Variants in TNIK observed in about 807,000 individuals in gnomAD.
TNIK encodes TRAF2 and NCK interacting kinase, also known as TRAF2 and NCK-interacting protein kinase.
Under a neutral mutation model 191.3 loss-of-function variants are expected in TNIK, and 49 were observed. That is an observed-to-expected ratio of 0.26 (90% CI 0.20 to 0.32). The LOEUF is 0.32. TNIK is among the 10% of genes least tolerant of loss of function. The probability of loss-of-function intolerance (pLI) is 1.00; values close to 1 mark genes in which losing one functional copy is unlikely to be tolerated. For missense variants in TNIK, 1,155 were observed against 1,702.3 expected (o/e 0.68, Z 5.66); for synonymous variants, 594 against 600.9 (o/e 0.99, Z 0.17).
intron 2 of TNIK, among the ~76,000 whole-genome samples, chr3:171,323,446 G>C (rs796375848): frequency 6.6e-6 from 1 of 152,132 alleles, no homozygotes; most frequent in East Asian, 1.9e-4. Flanking sequence ...GGATTACACC[G>C]CATGGATTAC....
intron 18 of TNIK, among the ~76,000 whole-genome samples, chr3:171,118,421 A>C (rs1046211349): frequency 8.5e-5 from 13 of 152,242 alleles, no homozygotes; most frequent in African/African-American, 2.7e-4. Context: ...CTTTCTTCAC[A>C]GAATTGGAAA....
At chr3:171,452,656 C>T (rs560636544) in intron 1 of TNIK, among the ~76,000 whole-genome samples, 1 of 152,074 alleles carries the variant, frequency 6.6e-6, no homozygotes, top group Admixed American at 6.5e-5. Flanking sequence ...CTTTCCCGCC[C>T]ATCTATTACT....
At chr3:171,187,570 T>G (rs1459852512) in intron 7 of TNIK, among the ~76,000 whole-genome samples, 2 of 152,144 alleles carry the variant, frequency 1.3e-5, no homozygotes, top group Non-Finnish European at 2.9e-5. Flanking sequence ...TCCTTAAAAG[T>G]GAAATATTCT....
chr3:171,328,914 T>A (rs1408169234), intron 2 of TNIK, among the ~76,000 whole-genome samples: 1 of 152,110 alleles, frequency 6.6e-6, no homozygotes, highest in Non-Finnish European at 1.5e-5. Flanking sequence ...AGATGGCCAC[T>A]TCCTTCTTCC....
At chr3:171,228,144 T>C (rs763226623) in intron 3 of TNIK, 21 bp downstream of exon 3, 2 of 1,613,396 alleles carry the variant, frequency 1.2e-6, no homozygotes, top group South Asian at 1.1e-5. Context: ...GCTATTGAGA[T>C]GGCAAAATAA....
intron 2 of TNIK, among the ~76,000 whole-genome samples, chr3:171,307,077 T>C (rs745582940): frequency 6.6e-6 from 1 of 152,150 alleles, no homozygotes; most frequent in Non-Finnish European, 1.5e-5. Context: ...AGTAAAAAGG[T>C]AGCTAGTCTA....
chr3:171,206,156 T>C lies in TNIK; in HGVS notation c.306+4960A>G, dbSNP rs570435475. On this transcript the variant is annotated intron_variant, in intron 4 of 32. Transcript: ENST00000436636. ...ATGTAAGCTGCATTAAAATAAGTACTTTCATAAATTTTGTTCACTGTTATA... is the reference window on the plus strand; with the variant it reads ...ATGTAAGCTGCATTAAAATAAGTACCTTCATAAATTTTGTTCACTGTTATA... Among the ~76,000 whole-genome samples, 48 of 152,214 alleles carry C rather than the reference T, an allele frequency of 3.2e-4. No homozygotes were observed. The South Asian group carries it at 9.5e-3, about 30-fold the overall frequency.
intron 2 of TNIK, among the ~76,000 whole-genome samples, chr3:171,331,554 A>G (rs1168091204): frequency 6.6e-6 from 1 of 152,228 alleles, no homozygotes; most frequent in Admixed American, 6.5e-5. Context: ...AGAAGGAATA[A>G]CTAAATATAT....
At chr3:171,091,725 ACTCCAT>A (rs1037953378) in intron 23 of TNIK, among the ~76,000 whole-genome samples, 1 of 151,428 alleles carries the variant, frequency 6.6e-6, no homozygotes, top group African/African-American at 2.4e-5. Context: ...ACAGAGCGAG[ACTCCAT>A]CTCCAAAAAT....
At position 171,082,390 on chromosome 3, in the gene TNIK, T is replaced by A; in HGVS notation, c.3174A>T (p.Val1058=). The A allele has an allele frequency of 6.2e-7, 1 of 1,613,786 alleles. No homozygotes were observed. The highest frequency in any genetic ancestry group is 8.5e-7 in the Non-Finnish European group (1 of 1,179,768). The change falls in exon 27 of 33, where the codon GTA becomes GTT. Residue 1058 remains valine (V), a synonymous_variant. Transcript: ENST00000436636. The stretch of plus-strand genomic sequence containing the variant: ...CATTTTCAGTCCCCACCAGAAGGTT[T>A]ACACCTGTAAATTTAAGAAGCACCC... ...SEILCAALWG[V]NLLVGTENGL...
intron 2 of TNIK, among the ~76,000 whole-genome samples, chr3:171,313,479 G>A (rs1754277594): frequency 1.3e-5 from 2 of 152,086 alleles, no homozygotes; most frequent in South Asian, 4.1e-4. Flanking sequence ...TCATTTGTAG[G>A]TAGCAAAGTA....
In TNIK at chr3:171,245,823, C is replaced by A. The variant is rs113963342; in HGVS notation, c.124-17602G>T. On this transcript the variant is annotated intron_variant, in intron 2 of 32. Transcript: ENST00000436636. Reference sequence around the variant, plus strand: ...GCCCTCATGGAACTTATAATCATGACTTTCTTTTGTTATACATTTTCGGTA... The same window carrying A: ...GCCCTCATGGAACTTATAATCATGAATTTCTTTTGTTATACATTTTCGGTA... Among the ~76,000 whole-genome samples, 817 of 152,244 alleles carry A rather than the reference C, an allele frequency of 5.4e-3. 7 individuals are homozygous for A. Among genetic ancestry groups the A allele is most frequent in the South Asian group, 0.02 (95 of 4,818 alleles).
intron 18 of TNIK, among the ~76,000 whole-genome samples, chr3:171,118,643 T>C (rs1315080122): frequency 3.3e-5 from 5 of 152,048 alleles, no homozygotes; most frequent in African/African-American, 4.8e-5. Context: ...CACATATCTA[T>C]AACTATCTGA....
At chr3:171,426,679 A>T (rs2108647154) in intron 1 of TNIK, among the ~76,000 whole-genome samples, 1 of 152,184 alleles carries the variant, frequency 6.6e-6, no homozygotes, top group Middle Eastern at 3.4e-3. Flanking sequence ...TCCTCTCCAG[A>T]GTCTCCAGGG....
At chr3:171,086,679 G>A (rs543068351) in intron 24 of TNIK, among the ~76,000 whole-genome samples, 26 of 152,178 alleles carry the variant, frequency 1.7e-4, no homozygotes, top group Non-Finnish European at 2.6e-4. Flanking sequence ...AGGGCCTTAC[G>A]TGTGATTGAC....
At chr3:171,077,073 C>A (rs1455531908) in intron 28 of TNIK, among the ~76,000 whole-genome samples, 1 of 129,708 alleles carries the variant, frequency 7.7e-6, no homozygotes, top group Non-Finnish European at 1.6e-5. Flanking sequence ...TTTCTTGTTC[C>A]CCCCCCCCTT....
chr3:171,365,730 T>TA (rs1163448209), intron 2 of TNIK, among the ~76,000 whole-genome samples: 2 of 152,282 alleles, frequency 1.3e-5, no homozygotes, highest in Admixed American at 1.3e-4. Flanking sequence ...TGAAGACTCT[T>TA]ATAGCATGCT....
intron 2 of TNIK, among the ~76,000 whole-genome samples, chr3:171,283,640 C>T (rs1446598905): frequency 6.6e-6 from 1 of 152,192 alleles, no homozygotes; most frequent in Non-Finnish European, 1.5e-5. Context: ...CTGGAAGAAA[C>T]CTTACAGGTC....
At chr3:171,069,114 A>C (rs1718858254) in intron 29 of TNIK, 117 bp from the exon 30 acceptor site, 1 of 1,304,508 alleles carries the variant, frequency 7.7e-7, no homozygotes, top group Non-Finnish European at 1.0e-6. Flanking sequence ...AAAACTAGAA[A>C]ATTTCTCTTT....
Sources: gnomAD v4.1 joint callset for allele counts (sites outside exome capture counted in the v4.1 genomes callset) on GRCh38, gnomAD v4.1.1 for gene constraint, MANE v1.5 for transcripts, NCBI Gene and HGNC (gene_info 2026-07-23, HGNC 2026-07-21) for gene names.